MEIKIN: variants seen among roughly 807,000 people sequenced by gnomAD.
MEIKIN encodes meiotic kinetochore factor, also known as meiosis-specific kinetochore protein.
At chr5:131,894,951 T>A (rs1561747916) in intron 8 of MEIKIN, among the ~76,000 whole-genome samples, 1 of 152,192 alleles carries the variant, frequency 6.6e-6, no homozygotes. Flanking sequence ...ATAGGAGTGG[T>A]GAGAGAGCAC....
intron 11 of MEIKIN, among the ~76,000 whole-genome samples, chr5:131,837,743 T>A (rs962100589): frequency 1.3e-5 from 2 of 152,176 alleles, no homozygotes; most frequent in Admixed American, 1.3e-4. Flanking sequence ...TTTATTAGCT[T>A]AAGGAGCTTT....
At chr5:131,809,659 A>T (rs1428844171) in intron 12 of MEIKIN, among the ~76,000 whole-genome samples, 5 of 152,058 alleles carry the variant, frequency 3.3e-5, no homozygotes, top group Non-Finnish European at 5.9e-5. Flanking sequence ...TACAAAAATT[A>T]GCTGGGCGTG....
chr5:131,872,249 A>G (rs532307712), intron 9 of MEIKIN, among the ~76,000 whole-genome samples: 1 of 8,206 alleles, frequency 1.2e-4, no homozygotes, highest in African/African-American at 5.8e-4. Context: ...AAAAACTTCG[A>G]AAAAAAATTA....
chr5:131,940,976 C>G (rs571432724), intron 4 of MEIKIN, among the ~76,000 whole-genome samples: 10 of 152,098 alleles, frequency 6.6e-5, no homozygotes, highest in East Asian at 5.8e-4. Flanking sequence ...AGCCAGCCCC[C>G]CCGATAGTTC....
At chr5:131,874,238 C>T (rs1228036429) in intron 9 of MEIKIN, among the ~76,000 whole-genome samples, 6 of 152,110 alleles carry the variant, frequency 3.9e-5, no homozygotes, top group South Asian at 2.1e-4. Context: ...ACAAAATTGA[C>T]AGACCGCTAG....
At chr5:131,816,888 T>C (rs1405089543) in intron 12 of MEIKIN, among the ~76,000 whole-genome samples, 6 of 152,168 alleles carry the variant, frequency 3.9e-5, no homozygotes, top group Admixed American at 3.9e-4. Flanking sequence ...ATTTTAGATA[T>C]CAATTTGGCT....
At chr5:131,854,942 A>G (rs1424360832) in intron 9 of MEIKIN, 108 bp from the exon 10 acceptor site, 2 of 385,644 alleles carry the variant, frequency 5.2e-6, no homozygotes, top group East Asian at 7.3e-5. Flanking sequence ...AATGTACAGT[A>G]CTAAGAAAAT....
At chr5:131,860,745 C>CCCTAAGAG (rs1750270722) in intron 9 of MEIKIN, among the ~76,000 whole-genome samples, 1 of 142,906 alleles carries the variant, frequency 7.0e-6, no homozygotes. Flanking sequence ...CCATGCCCAG[C>CCCTAAGAG]CTGTTTGGCT....
chr5:131,888,859 C>T (rs972666866), intron 8 of MEIKIN, among the ~76,000 whole-genome samples: 12 of 152,150 alleles, frequency 7.9e-5, no homozygotes, highest in African/African-American at 2.7e-4. Flanking sequence ...ACATGTAAGT[C>T]TTTAATCCAT....
chr5:131,942,595 A>C (rs946796380), intron 4 of MEIKIN, 40 bp downstream of exon 4: 10 of 398,038 alleles, frequency 2.5e-5, no homozygotes, highest in Non-Finnish European at 3.5e-5. Context: ...GTTTGGAGGA[A>C]AAACAGAAAG....
At chr5:131,846,429 A>AT (rs1212862307) in intron 11 of MEIKIN, among the ~76,000 whole-genome samples, 2 of 152,262 alleles carry the variant, frequency 1.3e-5, no homozygotes, top group African/African-American at 4.8e-5. Flanking sequence ...TTTCTATATG[A>AT]TTTAAGAGAC....
intron 5 of MEIKIN, among the ~76,000 whole-genome samples, chr5:131,926,508 G>T (rs989882497): frequency 2.0e-5 from 3 of 152,160 alleles, no homozygotes; most frequent in Admixed American, 6.5e-5. Context: ...TTTGCTTGTA[G>T]TATTTACCTC....
intron 10 of MEIKIN, 142 bp downstream of exon 10, chr5:131,854,612 T>C (rs1044491593): frequency 7.7e-5 from 30 of 388,384 alleles, no homozygotes; most frequent in Middle Eastern, 6.6e-4. Context: ...CAAAGTACTT[T>C]CATTGAAAGT....
At chr5:131,917,563 CAAA>C (rs546218361) in intron 6 of MEIKIN, among the ~76,000 whole-genome samples, 6 of 76,770 alleles carry the variant, frequency 7.8e-5, no homozygotes, top group Non-Finnish European at 8.2e-5. Context: ...TACTCCATCT[CAAA>C]AAAAAAAAAA....
intron 9 of MEIKIN, among the ~76,000 whole-genome samples, chr5:131,871,491 G>A (rs950755332): frequency 6.6e-6 from 1 of 152,250 alleles, no homozygotes; most frequent in Non-Finnish European, 1.5e-5. Flanking sequence ...GGTAAACAAA[G>A]CGGCTGGGAA....
intron 12 of MEIKIN, among the ~76,000 whole-genome samples, chr5:131,816,598 A>G (rs1324525356): frequency 6.6e-6 from 1 of 152,172 alleles, no homozygotes; most frequent in Non-Finnish European, 1.5e-5. Context: ...TCTCTCCGGA[A>G]TGGTAATTTG....
At chr5:131,811,438 C>T (rs1201376145) in intron 12 of MEIKIN, among the ~76,000 whole-genome samples, 1 of 151,930 alleles carries the variant, frequency 6.6e-6, no homozygotes, top group African/African-American at 2.4e-5. Flanking sequence ...TCACTGCAAC[C>T]TCTGCCTCCT....
intron 6 of MEIKIN, among the ~76,000 whole-genome samples, chr5:131,917,334 G>C (rs901645994): frequency 2.0e-5 from 3 of 152,054 alleles, no homozygotes; most frequent in Admixed American, 6.6e-5. Context: ...TGGGGACCGA[G>C]GCAGGTGGAT....
intron 7 of MEIKIN, among the ~76,000 whole-genome samples, chr5:131,916,355 C>T (rs1225336187): frequency 6.6e-6 from 1 of 152,184 alleles, no homozygotes; most frequent in East Asian, 1.9e-4. Flanking sequence ...AAGAGGCTAT[C>T]ATACTAACGC....
Sources: allele counts gnomAD v4.1 joint callset (sites outside exome capture counted in the v4.1 genomes callset), GRCh38; gene constraint gnomAD v4.1.1; transcripts MANE v1.5; gene names NCBI Gene and HGNC (gene_info 2026-07-23, HGNC 2026-07-21).